The following UNC5D variants were observed in gnomAD, a reference collection of about 807,000 sequenced individuals.
UNC5D encodes unc-5 netrin receptor D.
UNC5D carries 39 observed loss-of-function variants against 105.4 expected under a neutral mutation model. That is an observed-to-expected ratio of 0.37 (90% CI 0.29 to 0.48). UNC5D has a LOEUF of 0.48. Among genes scored for constraint, UNC5D ranks in the 20% least tolerant of loss-of-function variants. The pLI, the probability that UNC5D is intolerant of heterozygous loss-of-function variation, is 0.98. For missense variants in UNC5D, 991 were observed against 1,202.4 expected, an observed-to-expected ratio of 0.82 and a Z score of 2.60; for synonymous variants, 452 against 450.4, an observed-to-expected ratio of 1.00 and a Z score of -0.04.
chr8:35,268,502 T>C (rs181172013), intron 1 of UNC5D, among the ~76,000 whole-genome samples: 83 of 152,252 alleles, frequency 5.5e-4, no homozygotes, highest in African/African-American at 2.0e-3. Flanking sequence ...TCAAAAGTAC[T>C]ATTGCATATT....
At chr8:35,543,217 C>T (rs1433529398) in intron 1 of UNC5D, among the ~76,000 whole-genome samples, 1 of 151,656 alleles carries the variant, frequency 6.6e-6, no homozygotes, top group Non-Finnish European at 1.5e-5. Flanking sequence ...GAAAAGCATA[C>T]TTTGGAGACA....
intron 1 of UNC5D, among the ~76,000 whole-genome samples, chr8:35,549,009 T>C (rs1815907966): frequency 6.6e-6 from 1 of 152,192 alleles, no homozygotes. Context: ...CTCAGTTGTT[T>C]CTGCAAAGAC....
At chr8:35,551,095 C>G (rs1161902532) in intron 2 of UNC5D, among the ~76,000 whole-genome samples, 1 of 152,028 alleles carries the variant, frequency 6.6e-6, no homozygotes. Flanking sequence ...TACGGGTATG[C>G]AGTGGCTGGA....
chr8:35,722,378 T>G lies in UNC5D; in HGVS notation c.1286T>G (p.Phe429Cys), dbSNP rs370081482. ...ALTGGFQTFN[F>C]KTVRQGNSLL... ...ACAGGTGGCTTCCAGACCTTCAACTTCAAAACAGTCCGTCAAGGTCAGCGG... is the reference window on the plus strand; with the variant it reads ...ACAGGTGGCTTCCAGACCTTCAACTGCAAAACAGTCCGTCAAGGTCAGCGG... Residue 429 changes from phenylalanine to cysteine, a missense_variant, in exon 9 of 17, where the codon TTC becomes TGC. Physicochemically the swap from Phe to Cys is radical, Grantham distance 205 (BLOSUM62 -2). This residue lies in a region of UNC5D where 944 missense variants were observed against 1,131.6 expected (regional missense o/e 0.83). Coordinates refer to ENST00000404895, the MANE Select transcript of UNC5D (RefSeq NM_080872.4). The G allele has an allele frequency of 7.4e-6, 12 of 1,613,808 alleles. No individual in the cohort carries two copies. The highest frequency in any genetic ancestry group is 1.0e-5 in the Non-Finnish European group (12 of 1,179,956).
At chr8:35,456,464 A>T (rs1290817475) in intron 1 of UNC5D, among the ~76,000 whole-genome samples, 1 of 152,196 alleles carries the variant, frequency 6.6e-6, no homozygotes, top group Non-Finnish European at 1.5e-5. Flanking sequence ...TTTGGATACA[A>T]TTAGCTCCTT....
At chr8:35,471,842 T>C (rs916139918) in intron 1 of UNC5D, among the ~76,000 whole-genome samples, 7 of 152,210 alleles carry the variant, frequency 4.6e-5, no homozygotes, top group Non-Finnish European at 2.9e-5. Context: ...TCCATTGAGT[T>C]ATTAAAAGAG....
chr8:35,318,178 T>C (rs1247237999), intron 1 of UNC5D, among the ~76,000 whole-genome samples: 1 of 151,820 alleles, frequency 6.6e-6, no homozygotes, highest in Non-Finnish European at 1.5e-5. Context: ...TGCCTCCAAC[T>C]CTCCCTAGGT....
intron 1 of UNC5D, among the ~76,000 whole-genome samples, chr8:35,242,596 G>T (rs568221034): frequency 2.0e-5 from 3 of 152,238 alleles, no homozygotes; most frequent in Admixed American, 1.3e-4. Context: ...TCCTGCCTCA[G>T]CCTCCCGAGT....
intron 2 of UNC5D, among the ~76,000 whole-genome samples, chr8:35,567,090 C>A (rs1025451849): frequency 8.6e-5 from 13 of 150,662 alleles, no homozygotes; most frequent in Admixed American, 2.0e-4. Context: ...AAAAAAAAAA[C>A]CATTAAAAGG....
At chr8:35,746,063 C>G (rs1245689649) in intron 11 of UNC5D, among the ~76,000 whole-genome samples, 1 of 151,996 alleles carries the variant, frequency 6.6e-6, no homozygotes, top group Non-Finnish European at 1.5e-5. Context: ...TCCATGATTA[C>G]CCCTGGACTA....
intron 2 of UNC5D, among the ~76,000 whole-genome samples, chr8:35,555,985 C>T (rs1280398152): frequency 6.6e-6 from 1 of 150,616 alleles, no homozygotes; most frequent in East Asian, 2.0e-4. Flanking sequence ...GTAGAGGAAG[C>T]AATGTTTGAA....
chr8:35,689,867 G>A (rs181625844), intron 7 of UNC5D, among the ~76,000 whole-genome samples: 3 of 152,258 alleles, frequency 2.0e-5, no homozygotes, highest in African/African-American at 4.8e-5. Flanking sequence ...TGATATCTGG[G>A]CACCCCATGG....
intron 1 of UNC5D, among the ~76,000 whole-genome samples, chr8:35,297,277 T>C (rs1807565188): frequency 6.6e-6 from 1 of 152,164 alleles, no homozygotes; most frequent in African/African-American, 2.4e-5. Context: ...TCTTGGTTAT[T>C]GGATTAATTA....
intron 1 of UNC5D, among the ~76,000 whole-genome samples, chr8:35,283,297 A>G (rs1018112433): frequency 2.0e-5 from 3 of 152,150 alleles, no homozygotes; most frequent in Non-Finnish European, 4.4e-5. Context: ...CTAACTGTTC[A>G]CGGTCAAGTC....
intron 1 of UNC5D, among the ~76,000 whole-genome samples, chr8:35,271,698 T>TATACATATATATGTATACCTGTATACAG (rs1805380260): frequency 1.1e-5 from 1 of 92,196 alleles, no homozygotes; most frequent in African/African-American, 4.1e-5. Flanking sequence ...CATGTATACA[T>TATACATATATATGTATACCTGTATACAG]GTATACATAT....
chr8:35,794,037 A>T lies in UNC5D; in HGVS notation c.*3474A>T, dbSNP rs1191681293. 1 of 152,204 alleles carries T rather than the reference A, an allele frequency of 6.6e-6. No individual in the cohort carries two copies. The highest frequency in any genetic ancestry group is 1.9e-4 in the East Asian group (1 of 5,198). 9.4% of individuals were successfully genotyped at this position (152,204 alleles called of 1,614,324 possible). A position where few individuals can be genotyped will look rare whatever the true frequency, so the allele number is the denominator to read the frequency against. On this transcript the variant is annotated 3_prime_UTR_variant, in exon 17 of 17. Coordinates refer to ENST00000404895, the MANE Select transcript of UNC5D (RefSeq NM_080872.4). The stretch of plus-strand genomic sequence containing the variant: ...ATTTTCCTTGAGAAACATTCTCAGC[A>T]TCAGGATTGATAAACAAATGTAGAT...
chr8:35,355,866 T>C (rs1199438907), intron 1 of UNC5D, among the ~76,000 whole-genome samples: 1 of 152,096 alleles, frequency 6.6e-6, no homozygotes, highest in Non-Finnish European at 1.5e-5. Context: ...TTTCTCCTCT[T>C]GAGGTTGGCT....
At chr8:35,615,074 A>T (rs2131000263) in intron 4 of UNC5D, among the ~76,000 whole-genome samples, 1 of 123,076 alleles carries the variant, frequency 8.1e-6, no homozygotes, top group Non-Finnish European at 1.7e-5. Flanking sequence ...GATCTCCACA[A>T]AACTAAAAAA....
intron 1 of UNC5D, among the ~76,000 whole-genome samples, chr8:35,453,170 C>T (rs1808279890): frequency 6.6e-6 from 1 of 152,120 alleles, no homozygotes. Context: ...GATTAATTTA[C>T]ATTTTCATAT....
Sources: gnomAD v4.1 joint callset for allele counts (sites outside exome capture counted in the v4.1 genomes callset) on GRCh38, gnomAD v4.1.1 for gene constraint, gnomAD v4.1.1 regional missense constraint, MANE v1.5 for transcripts, NCBI Gene and HGNC (gene_info 2026-07-23, HGNC 2026-07-21) for gene names.